The following SYTL5 variants were observed in gnomAD, a reference collection of about 807,000 sequenced individuals.
The protein encoded by SYTL5 is synaptotagmin-like protein 5.
In SYTL5, 34 loss-of-function variants were observed where a neutral mutation model predicts 55.9. That is an observed-to-expected ratio of 0.61 (90% CI 0.46 to 0.81). SYTL5 has a LOEUF of 0.81. SYTL5 is among the 30% of genes least tolerant of loss of function. The pLI, the probability that SYTL5 is intolerant of heterozygous loss-of-function variation, is 0.00. For missense variants in SYTL5, 637 were observed against 546.7 expected, an observed-to-expected ratio of 1.17 and a Z score of -1.65; for synonymous variants, 221 against 188.7, an observed-to-expected ratio of 1.17 and a Z score of -1.40.
intron 1 of SYTL5, among the ~76,000 whole-genome samples, chrX:38,025,368 G>T (rs535670398): frequency 1.8e-5 from 2 of 111,542 alleles, no homozygotes; most frequent in South Asian, 7.5e-4. Flanking sequence ...TTCAAATATC[G>T]GCCCCTATTA....
chrX:38,085,010 G>A (rs1936634482), intron 6 of SYTL5, among the ~76,000 whole-genome samples: 1 of 111,281 alleles, frequency 9.0e-6, no homozygotes. Flanking sequence ...GCCCAAATAT[G>A]TCCACAAGCC....
the SYTL5 span, among the ~76,000 whole-genome samples, chrX:37,922,367 G>A: frequency 9.0e-6 from 1 of 111,658 alleles, no homozygotes; most frequent in Non-Finnish European, 1.9e-5. Flanking sequence ...AAATATTCGG[G>A]AGAAAATCCC....
At chrX:37,970,213 C>T in the SYTL5 span, among the ~76,000 whole-genome samples, 5 of 111,354 alleles carry the variant, frequency 4.5e-5, no homozygotes, top group African/African-American at 9.8e-5. Context: ...GACCTTACTA[C>T]GACTTATGTA....
chrX:37,998,421 G>A, the SYTL5 span, among the ~76,000 whole-genome samples: 1 of 111,982 alleles, frequency 8.9e-6, no homozygotes, highest in Non-Finnish European at 1.9e-5. Flanking sequence ...ACTTCCAGGT[G>A]CCACCATGTT....
chrX:38,004,431 C>T (rs1340227411), upstream of SYTL5, among the ~76,000 whole-genome samples: 1 of 111,146 alleles, frequency 9.0e-6, no homozygotes, highest in African/African-American at 3.3e-5. Flanking sequence ...GAGTATATAC[C>T]CAAAAGAAAG....
At chrX:38,071,148 A>T (rs759429622) in intron 3 of SYTL5, among the ~76,000 whole-genome samples, 1 of 112,171 alleles carries the variant, frequency 8.9e-6, no homozygotes, top group East Asian at 2.8e-4. Context: ...GCAGACAGAA[A>T]TCAGTTCTCA....
At chrX:37,966,536 C>G in the SYTL5 span, among the ~76,000 whole-genome samples, 1 of 103,112 alleles carries the variant, frequency 9.7e-6, no homozygotes, top group Non-Finnish European at 2.0e-5. Context: ...CTCCCAGGAT[C>G]AAGCGATTCT....
chrX:38,117,544 C>T (rs904263750), intron 13 of SYTL5, among the ~76,000 whole-genome samples: 7 of 112,259 alleles, frequency 6.2e-5, no homozygotes, highest in Non-Finnish European at 1.1e-4. Context: ...CTTAAACCTT[C>T]GGGGCTTACA....
At chrX:37,893,772 A>ACTATAGATTATATATAATCTATAGATAAT in the SYTL5 span, among the ~76,000 whole-genome samples, 1 of 73,790 alleles carries the variant, frequency 1.4e-5, no homozygotes, top group African/African-American at 7.6e-5. Flanking sequence ...CTATAGATAA[A>ACTATAGATTATATATAATCTATAGATAAT]CTATAGATTA....
chrX:38,038,164 C>T (rs1267561065), intron 2 of SYTL5, among the ~76,000 whole-genome samples: 1 of 112,323 alleles, frequency 8.9e-6, no homozygotes, highest in Non-Finnish European at 1.9e-5. Context: ...GAAACACCCT[C>T]ACAGAAACAT....
intron 15 of SYTL5, among the ~76,000 whole-genome samples, 194 bp downstream of exon 15, chrX:38,122,409 C>T (rs1222392406): frequency 8.9e-6 from 1 of 112,184 alleles, no homozygotes; most frequent in Non-Finnish European, 1.9e-5. Flanking sequence ...CTAGCTGTCA[C>T]TCTGTTTCCA....
chrX:38,051,949 A>C (rs1935635046), intron 2 of SYTL5, among the ~76,000 whole-genome samples: 1 of 111,555 alleles, frequency 9.0e-6, no homozygotes, highest in Non-Finnish European at 1.9e-5. Context: ...AGGAGAAATG[A>C]TGGATAATGA....
chrX:38,103,253 C>T (rs1429593655), intron 10 of SYTL5, among the ~76,000 whole-genome samples: 1 of 112,117 alleles, frequency 8.9e-6, no homozygotes, highest in Non-Finnish European at 1.9e-5. Flanking sequence ...TGATCAGAAA[C>T]CAAGTATTCC....
chrX:37,893,547 CTATAGAT>C, the SYTL5 span, among the ~76,000 whole-genome samples: 1 of 84,026 alleles, frequency 1.2e-5, no homozygotes, highest in African/African-American at 4.6e-5. Flanking sequence ...AATATATAAT[CTATAGAT>C]TATAGATTAT....
At chrX:38,121,309 C>T (rs776807074) in intron 14 of SYTL5, among the ~76,000 whole-genome samples, 1 of 111,586 alleles carries the variant, frequency 9.0e-6, no homozygotes, top group South Asian at 3.8e-4. Flanking sequence ...GGATAACATC[C>T]AAACTATCTT....
the SYTL5 span, among the ~76,000 whole-genome samples, chrX:37,959,137 T>G: frequency 3.6e-5 from 4 of 111,894 alleles, no homozygotes; most frequent in African/African-American, 1.3e-4. Context: ...CCACTAGGCA[T>G]TGCCCTAGTG....
chrX:38,064,027 A>G lies in SYTL5; in HGVS notation c.330-8020A>G, dbSNP rs773153885. ...GTGGGTAGTAACTAACATTAAAAAAAAGTGGAGTAAAAAGTGTCAGTATAG... is the reference window on the plus strand; with the variant it reads ...GTGGGTAGTAACTAACATTAAAAAAGAGTGGAGTAAAAAGTGTCAGTATAG... On this transcript the variant is annotated intron_variant, in intron 3 of 16. Transcript: ENST00000297875. Among the ~76,000 whole-genome samples, 368 of 109,308 alleles carry G rather than the reference A, an allele frequency of 3.4e-3. 1 individual carries two copies. The highest frequency in any genetic ancestry group is 5.4e-3 in the Non-Finnish European group (284 of 52,652). The allele number at this position is 109,308 out of a possible 115,157, so 94.9% of individuals were successfully genotyped here.
At chrX:37,905,346 A>G in the SYTL5 span, among the ~76,000 whole-genome samples, 2 of 102,056 alleles carry the variant, frequency 2.0e-5, no homozygotes, top group Non-Finnish European at 3.9e-5. Context: ...CAGTAGGGGT[A>G]CTCCTGGTGT....
the SYTL5 span, among the ~76,000 whole-genome samples, chrX:37,944,138 A>C: frequency 7.2e-5 from 8 of 111,359 alleles, no homozygotes; most frequent in African/African-American, 2.6e-4. Flanking sequence ...GGAATTTTGG[A>C]GCATAGTCGT....
Sources: gnomAD v4.1 joint callset for allele counts (sites outside exome capture counted in the v4.1 genomes callset) on GRCh38, gnomAD v4.1.1 for gene constraint, MANE v1.5 for transcripts, NCBI Gene and HGNC (gene_info 2026-07-23, HGNC 2026-07-21) for gene names.